IQCJ: variants seen among roughly 807,000 people sequenced by gnomAD.
The protein encoded by IQCJ is IQ domain-containing protein J.
Under a neutral mutation model 11.0 loss-of-function variants are expected in IQCJ, and 9 were observed. The observed-to-expected ratio is 0.82, with a 90% CI of 0.49 to 1.43. IQCJ has a LOEUF of 1.43. IQCJ is among the 40% of genes most tolerant of loss of function. IQCJ has a pLI of 0.00. For synonymous variants in IQCJ, 55 were observed against 51.3 expected (o/e 1.07, Z -0.31); for missense variants, 146 against 133.2 (o/e 1.10, Z -0.47).
intron 1 of IQCJ, among the ~76,000 whole-genome samples, chr3:159,093,665 T>C (rs1309882654): frequency 2.0e-5 from 3 of 151,968 alleles, no homozygotes; most frequent in Admixed American, 2.0e-4. Flanking sequence ...GGGTAGTTTA[T>C]AAAGGAAAGA....
intron 1 of IQCJ, among the ~76,000 whole-genome samples, chr3:159,093,583 T>G (rs533792813): frequency 2.0e-5 from 3 of 151,834 alleles, no homozygotes; most frequent in African/African-American, 7.3e-5. Context: ...ATTTTCATGA[T>G]GAGGAGGTAG....
At chr3:159,137,278 A>G (rs1286506703) in intron 1 of IQCJ, among the ~76,000 whole-genome samples, 1 of 151,322 alleles carries the variant, frequency 6.6e-6, no homozygotes, top group East Asian at 1.9e-4. Context: ...AAAAAAAAAA[A>G]GAAATACAGT....
chr3:159,154,426 A>G (rs1351171482), intron 1 of IQCJ, among the ~76,000 whole-genome samples: 2 of 152,212 alleles, frequency 1.3e-5, no homozygotes, highest in Non-Finnish European at 2.9e-5. Flanking sequence ...TAAATTATTT[A>G]TGAATCTTTT....
intron 1 of IQCJ, among the ~76,000 whole-genome samples, chr3:159,079,354 A>G (rs1332794568): frequency 2.6e-5 from 4 of 152,122 alleles, no homozygotes; most frequent in Admixed American, 6.5e-5. Context: ...GCCTCCTAAA[A>G]TTCAACTTTA....
At chr3:159,219,732 G>T (rs1302919793) in intron 1 of IQCJ, among the ~76,000 whole-genome samples, 1 of 152,098 alleles carries the variant, frequency 6.6e-6, no homozygotes, top group Non-Finnish European at 1.5e-5. Flanking sequence ...ATATGGAGGG[G>T]CTAGTCTCAT....
chr3:159,235,474 AGG>A (rs1726524248), intron 1 of IQCJ, among the ~76,000 whole-genome samples: 1 of 152,178 alleles, frequency 6.6e-6, no homozygotes, highest in African/African-American at 2.4e-5. Context: ...TTAAGCCTGA[AGG>A]GTATTTTTCA....
At chr3:159,236,167 C>G (rs77129847) in intron 1 of IQCJ, among the ~76,000 whole-genome samples, 2,079 of 150,072 alleles carry the variant, frequency 0.014, 50 homozygotes, top group African/African-American at 0.048. Context: ...TAAAGAAATT[C>G]GTGTTTAGCT....
At chr3:159,217,208 T>G (rs1725285380) in intron 1 of IQCJ, among the ~76,000 whole-genome samples, 1 of 152,130 alleles carries the variant, frequency 6.6e-6, no homozygotes, top group African/African-American at 2.4e-5. Context: ...ACAGGTAATT[T>G]TCTCCCTAGG....
chr3:159,265,121 G>A (rs1577127240), downstream of IQCJ: 1 of 1,028,888 alleles, frequency 9.7e-7, no homozygotes, highest in African/African-American at 1.6e-5. Flanking sequence ...TGTCACTTAG[G>A]TAAAATATCC....
chr3:159,197,585 TC>T (rs756883685), intron 1 of IQCJ, among the ~76,000 whole-genome samples: 1 of 152,186 alleles, frequency 6.6e-6, no homozygotes, highest in Non-Finnish European at 1.5e-5. Context: ...CAACAGATTT[TC>T]TCCTGAAGGA....
chr3:159,085,603 T>C (rs1387819286), intron 1 of IQCJ, among the ~76,000 whole-genome samples: 2 of 146,878 alleles, frequency 1.4e-5, no homozygotes, highest in Non-Finnish European at 3.0e-5. Flanking sequence ...TTTTAATGAT[T>C]GCCATTCTAA....
chr3:159,087,945 T>C (rs963261678), intron 1 of IQCJ, among the ~76,000 whole-genome samples: 13 of 149,364 alleles, frequency 8.7e-5, no homozygotes, highest in African/African-American at 2.9e-4. Context: ...TTTAGTTATT[T>C]CTTGCCTTCT....
downstream of IQCJ, among the ~76,000 whole-genome samples, chr3:159,264,200 C>T (rs532655874): frequency 2.0e-5 from 3 of 152,258 alleles, no homozygotes; most frequent in African/African-American, 7.2e-5. Context: ...CTGCTGAATC[C>T]AGTGATATCT....
At chr3:159,107,463 A>T (rs754456448) in intron 1 of IQCJ, among the ~76,000 whole-genome samples, 1 of 152,160 alleles carries the variant, frequency 6.6e-6, no homozygotes, top group African/African-American at 2.4e-5. Context: ...GTATTTTGTT[A>T]TATGACCCCA....
chr3:159,109,658 G>T (rs911160219), intron 1 of IQCJ, among the ~76,000 whole-genome samples: 9 of 151,596 alleles, frequency 5.9e-5, no homozygotes, highest in Non-Finnish European at 1.2e-4. Flanking sequence ...CTTTGGTGTG[G>T]GTGTGTGGGT....
intron 3 of IQCJ, among the ~76,000 whole-genome samples, chr3:159,259,653 T>G (rs1728093284): frequency 6.6e-6 from 1 of 152,210 alleles, no homozygotes; most frequent in African/African-American, 2.4e-5. Context: ...GTTGTAGGAA[T>G]CGCCAAGGGG....
At chr3:159,083,700 A>C (rs1716491259) in intron 1 of IQCJ, among the ~76,000 whole-genome samples, 1 of 152,198 alleles carries the variant, frequency 6.6e-6, no homozygotes, top group Non-Finnish European at 1.5e-5. Context: ...CCAAACTGGA[A>C]ACAACTCCAG....
chr3:159,144,818 A>G (rs1239119620), intron 1 of IQCJ, among the ~76,000 whole-genome samples: 28 of 152,174 alleles, frequency 1.8e-4, no homozygotes. Context: ...TCATTAAATG[A>G]AATTTTTTAT....
At chr3:159,163,191 C>A (rs528821415) in intron 1 of IQCJ, among the ~76,000 whole-genome samples, 2 of 152,094 alleles carry the variant, frequency 1.3e-5, no homozygotes, top group African/African-American at 4.8e-5. Context: ...AGTGGCAAAC[C>A]GAATCCAGCA....
Sources: allele counts gnomAD v4.1 joint callset (sites outside exome capture counted in the v4.1 genomes callset), GRCh38; gene constraint gnomAD v4.1.1; transcripts MANE v1.5; gene names NCBI Gene and HGNC (gene_info 2026-07-23, HGNC 2026-07-21).